The following GNAQ variants were observed in gnomAD, a reference collection of about 807,000 sequenced individuals.
The protein encoded by GNAQ is G protein subunit alpha q.
GNAQ carries 8 observed loss-of-function variants against 43.9 expected under a neutral mutation model. That is an observed-to-expected ratio of 0.18 (90% CI 0.11 to 0.33). The LOEUF (loss-of-function observed/expected upper bound fraction) is 0.33, where lower values mean the gene tolerates loss of function less well. GNAQ is among the 10% of genes least tolerant of loss of function. The pLI is 1.00. For missense variants in GNAQ, 158 were observed against 450.8 expected (o/e 0.35, Z 5.88); for synonymous variants, 155 against 170.7 (o/e 0.91, Z 0.71).
intron 5 of GNAQ, among the ~76,000 whole-genome samples, chr9:77,762,772 G>A (rs1445148658): frequency 2.6e-5 from 4 of 152,196 alleles, no homozygotes; most frequent in Non-Finnish European, 2.9e-5. Flanking sequence ...CTTCTGCCTT[G>A]GGATCCTGTT....
intron 6 of GNAQ, among the ~76,000 whole-genome samples, chr9:77,727,357 G>T (rs1021013187): frequency 2.6e-5 from 4 of 152,190 alleles, no homozygotes; most frequent in African/African-American, 9.7e-5. Context: ...ACTCTCACTT[G>T]TTTTACATAG....
intron 6 of GNAQ, 107 bp from the exon 7 acceptor site, chr9:77,721,620 G>C (rs1825316580): frequency 2.8e-6 from 2 of 715,044 alleles, no homozygotes; most frequent in Admixed American, 2.4e-5. Flanking sequence ...GCCTACATCT[G>C]CACTGCAGAT....
chr9:77,805,178 T>C (rs1826808742), intron 3 of GNAQ, among the ~76,000 whole-genome samples: 1 of 152,202 alleles, frequency 6.6e-6, no homozygotes, highest in South Asian at 2.1e-4. Context: ...CTCTAGTCCC[T>C]TCCTCATCTG....
chr9:78,024,473 G>A (rs776678931), intron 1 of GNAQ, among the ~76,000 whole-genome samples: 35 of 152,176 alleles, frequency 2.3e-4, no homozygotes, highest in Non-Finnish European at 4.4e-4. Context: ...AGATACAAGA[G>A]CAAGGATCTT....
intron 6 of GNAQ, among the ~76,000 whole-genome samples, chr9:77,724,194 C>CT (rs957412529): frequency 2.7e-4 from 41 of 149,844 alleles, no homozygotes; most frequent in African/African-American, 8.6e-4. Context: ...CAATAAGAAA[C>CT]TTTTTTTTTT....
chr9:77,950,045 C>G (rs1239650725), intron 1 of GNAQ, among the ~76,000 whole-genome samples: 1 of 152,160 alleles, frequency 6.6e-6, no homozygotes, highest in Non-Finnish European at 1.5e-5. Context: ...ACAGATGAAC[C>G]TTCCTATTTA....
intron 1 of GNAQ, among the ~76,000 whole-genome samples, chr9:77,927,689 C>G (rs1399191886): frequency 6.6e-6 from 1 of 152,032 alleles, no homozygotes; most frequent in Non-Finnish European, 1.5e-5. Context: ...TATGCCAAAA[C>G]AGTTACCAAA....
intron 5 of GNAQ, among the ~76,000 whole-genome samples, chr9:77,788,098 G>A (rs1009378238): frequency 1.3e-5 from 2 of 152,010 alleles, no homozygotes; most frequent in African/African-American, 2.4e-5. Context: ...AAATGAAAAC[G>A]ACAAACCATG....
At chr9:77,830,308 A>G (rs1827277337) in intron 2 of GNAQ, among the ~76,000 whole-genome samples, 1 of 152,076 alleles carries the variant, frequency 6.6e-6, no homozygotes, top group African/African-American at 2.4e-5. Flanking sequence ...AGACCTTGGT[A>G]TCTGAAGTAT....
At chr9:77,967,323 G>A (rs780418231) in intron 1 of GNAQ, among the ~76,000 whole-genome samples, 2 of 152,082 alleles carry the variant, frequency 1.3e-5, no homozygotes, top group Non-Finnish European at 2.9e-5. Flanking sequence ...AAAATCACCT[G>A]CACAACTATT....
chr9:77,821,216 C>A (rs1827107904), intron 2 of GNAQ, among the ~76,000 whole-genome samples: 1 of 152,084 alleles, frequency 6.6e-6, no homozygotes, highest in Non-Finnish European at 1.5e-5. Flanking sequence ...CCAAGATAAT[C>A]AATGACTATA....
chr9:77,934,332 C>T (rs961411062), intron 1 of GNAQ, among the ~76,000 whole-genome samples: 6 of 152,156 alleles, frequency 3.9e-5, no homozygotes, highest in East Asian at 1.9e-4. Flanking sequence ...CTCACGAGAA[C>T]GTCACCTAGT....
intron 2 of GNAQ, among the ~76,000 whole-genome samples, chr9:77,901,740 G>T (rs1338689757): frequency 6.6e-6 from 1 of 152,108 alleles, no homozygotes; most frequent in Non-Finnish European, 1.5e-5. Context: ...GTCCTTCTGG[G>T]TTGCTATTTA....
At chr9:77,780,349 G>A (rs1388876209) in intron 5 of GNAQ, among the ~76,000 whole-genome samples, 2 of 151,280 alleles carry the variant, frequency 1.3e-5, no homozygotes, top group Non-Finnish European at 3.0e-5. Flanking sequence ...TCACATATAA[G>A]CATATGCAGT....
chr9:77,752,673 T>C (rs1382224694), intron 5 of GNAQ, among the ~76,000 whole-genome samples: 1 of 152,240 alleles, frequency 6.6e-6, no homozygotes, highest in Non-Finnish European at 1.5e-5. Flanking sequence ...TGCCTGTGTC[T>C]GTTATTACAC....
chr9:77,881,618 A>G (rs1392007023), intron 2 of GNAQ, among the ~76,000 whole-genome samples: 1 of 152,032 alleles, frequency 6.6e-6, no homozygotes, highest in African/African-American at 2.4e-5. Context: ...TCCTGACTTC[A>G]ATCTGTCCCT....
rs1464467758 is a variant in GNAQ at position 77,720,163 on chromosome 9, G to A, written c.*1160C>T. 8.6e-6 allele frequency: 2 copies of A among 233,084 alleles called. No homozygotes were observed. Among genetic ancestry groups the A allele is most frequent in the Non-Finnish European group, 1.7e-5 (2 of 117,872 alleles). The allele number at this position is 233,084 out of a possible 1,614,324, so 14.4% of individuals were successfully genotyped here. Reference sequence around the variant, plus strand: ...AAGGACAAAGAAAAGAATGGACCGTGAGAATCAAATTTCTAGTTACAACTG... The same window carrying A: ...AAGGACAAAGAAAAGAATGGACCGTAAGAATCAAATTTCTAGTTACAACTG... On this transcript the variant is annotated 3_prime_UTR_variant, in exon 7 of 7. Transcript: ENST00000286548.
At chr9:77,828,471 C>CT (rs1827242120) in intron 2 of GNAQ, among the ~76,000 whole-genome samples, 4 of 152,240 alleles carry the variant, frequency 2.6e-5, no homozygotes, top group Admixed American at 2.6e-4. Flanking sequence ...TTCCTAATTA[C>CT]TTTTTTCTTT....
At chr9:77,863,816 A>G (rs900041680) in intron 2 of GNAQ, among the ~76,000 whole-genome samples, 2 of 152,100 alleles carry the variant, frequency 1.3e-5, no homozygotes, top group African/African-American at 4.8e-5. Flanking sequence ...TGTGCAGGGG[A>G]AACTCCAGTA....
Sources: gnomAD v4.1 joint callset for allele counts (sites outside exome capture counted in the v4.1 genomes callset) on GRCh38, gnomAD v4.1.1 for gene constraint, MANE v1.5 for transcripts, NCBI Gene and HGNC (gene_info 2026-07-23, HGNC 2026-07-21) for gene names.